XYLT1: variants seen among roughly 807,000 people sequenced by gnomAD.
XYLT1 encodes beta-D-xylosyltransferase 1.
In XYLT1, 36 loss-of-function variants were observed where a neutral mutation model predicts 91.3. That is an observed-to-expected ratio of 0.39 (90% CI 0.30 to 0.52). XYLT1 has a LOEUF of 0.52. Ranked by LOEUF, XYLT1 falls within the 20% of genes least tolerant of loss-of-function variation. The probability of loss-of-function intolerance (pLI) is 0.68; values close to 1 mark genes in which losing one functional copy is unlikely to be tolerated. For missense variants in XYLT1, 1,242 were observed against 1,284.5 expected, an observed-to-expected ratio of 0.97 and a Z score of 0.51; for synonymous variants, 588 against 532.0, an observed-to-expected ratio of 1.11 and a Z score of -1.45.
intron 9 of XYLT1, among the ~76,000 whole-genome samples, chr16:17,129,356 G>T (rs1053198982): frequency 6.6e-6 from 1 of 152,110 alleles, no homozygotes; most frequent in Admixed American, 6.6e-5. Flanking sequence ...CCGCCTCCTG[G>T]GTTCAAGCGA....
chr16:17,128,311 T>C (rs530829152), intron 9 of XYLT1, among the ~76,000 whole-genome samples: 2 of 152,370 alleles, frequency 1.3e-5, no homozygotes, highest in African/African-American at 4.8e-5. Flanking sequence ...GTCTTCATTG[T>C]ATAGTATTTC....
chr16:17,390,590 G>A (rs2035804463), intron 1 of XYLT1, among the ~76,000 whole-genome samples: 1 of 152,198 alleles, frequency 6.6e-6, no homozygotes, highest in Non-Finnish European at 1.5e-5. Context: ...CCCCCATCTT[G>A]CCTTTACCTC....
intron 6 of XYLT1, among the ~76,000 whole-genome samples, chr16:17,143,018 A>T (rs1055555390): frequency 6.6e-6 from 1 of 152,146 alleles, no homozygotes; most frequent in African/African-American, 2.4e-5. Context: ...AACTATATAC[A>T]TATAATCATC....
intron 2 of XYLT1, chr16:17,338,565 C>T (rs1416830886): frequency 2.2e-6 from 1 of 453,934 alleles, no homozygotes; most frequent in South Asian, 1.6e-5. Context: ...CATCTCTGTT[C>T]TCTGTCGGGA....
chr16:17,448,736 G>C (rs55810364), intron 1 of XYLT1, among the ~76,000 whole-genome samples: 1 of 150,720 alleles, frequency 6.6e-6, no homozygotes, highest in South Asian at 2.1e-4. Context: ...AAGGGGAGGA[G>C]GGTGGAGGAG....
chr16:17,141,772 A>G (rs1046001982), intron 6 of XYLT1, among the ~76,000 whole-genome samples: 2 of 152,228 alleles, frequency 1.3e-5, no homozygotes, highest in African/African-American at 4.8e-5. Context: ...GTCTCAGAAT[A>G]GTACTCTTCA....
At chr16:17,361,270 C>G (rs1375564186) in intron 1 of XYLT1, among the ~76,000 whole-genome samples, 1 of 152,202 alleles carries the variant, frequency 6.6e-6, no homozygotes, top group African/African-American at 2.4e-5. Context: ...GGATGCCAGA[C>G]ACGTGAAACA....
chr16:17,123,032 T>C (rs921203255), intron 10 of XYLT1, among the ~76,000 whole-genome samples: 2 of 152,226 alleles, frequency 1.3e-5, no homozygotes, highest in Non-Finnish European at 2.9e-5. Flanking sequence ...TTTGTTCTTT[T>C]TGCTTAGTCT....
intron 2 of XYLT1, among the ~76,000 whole-genome samples, chr16:17,321,956 G>A (rs539673928): frequency 2.0e-5 from 3 of 152,300 alleles, no homozygotes; most frequent in Non-Finnish European, 4.4e-5. Context: ...GGGAAGGAAA[G>A]AAGAAGTAGT....
intron 3 of XYLT1, among the ~76,000 whole-genome samples, chr16:17,222,017 G>A (rs1475179117): frequency 6.6e-6 from 1 of 152,108 alleles, no homozygotes; most frequent in African/African-American, 2.4e-5. Flanking sequence ...CCCTTCTCTT[G>A]CAGTGCACAG....
At chr16:17,405,184 C>T (rs995417609) in intron 1 of XYLT1, among the ~76,000 whole-genome samples, 4 of 152,218 alleles carry the variant, frequency 2.6e-5, no homozygotes, top group Non-Finnish European at 5.9e-5. Flanking sequence ...GAATGTGGCG[C>T]TTGTCAGCTC....
intron 1 of XYLT1, among the ~76,000 whole-genome samples, chr16:17,463,636 T>C (rs562687930): frequency 1.6e-4 from 24 of 152,352 alleles, no homozygotes; most frequent in African/African-American, 5.3e-4. Context: ...TGTAAATTAG[T>C]ACAGCCACTA....
intron 1 of XYLT1, among the ~76,000 whole-genome samples, chr16:17,444,376 T>G (rs1463368812): frequency 1.3e-5 from 2 of 152,182 alleles, no homozygotes; most frequent in African/African-American, 4.8e-5. Context: ...AGGTTCTCAC[T>G]CTGTCACCCA....
chr16:17,162,833 A>G (rs752810234), intron 5 of XYLT1, among the ~76,000 whole-genome samples: 8 of 152,252 alleles, frequency 5.3e-5, no homozygotes, highest in Non-Finnish European at 5.9e-5. Flanking sequence ...TAAGTCATGT[A>G]TGACTATGAG....
At chr16:17,321,125 T>A (rs1038204554) in intron 2 of XYLT1, among the ~76,000 whole-genome samples, 1 of 151,928 alleles carries the variant, frequency 6.6e-6, no homozygotes, top group Non-Finnish European at 1.5e-5. Flanking sequence ...TGGAGTTGTA[T>A]CCATACCCAC....
chr16:17,249,011 G>A (rs964362148), intron 3 of XYLT1, among the ~76,000 whole-genome samples: 6 of 151,962 alleles, frequency 3.9e-5, no homozygotes, highest in South Asian at 2.1e-4. Context: ...ATGAGCCACC[G>A]CACCTGGCCT....
At chr16:17,276,322 C>T (rs1447944849) in intron 2 of XYLT1, among the ~76,000 whole-genome samples, 1 of 152,122 alleles carries the variant, frequency 6.6e-6, no homozygotes, top group Non-Finnish European at 1.5e-5. Flanking sequence ...CTGCGGGTGC[C>T]CCACTGGCAC....
intron 11 of XYLT1, among the ~76,000 whole-genome samples, chr16:17,111,838 C>G (rs186883907): frequency 1.3e-5 from 2 of 152,172 alleles, no homozygotes; most frequent in African/African-American, 2.4e-5. Flanking sequence ...GCTGCTTTCT[C>G]CCACGGTAGT....
chr16:17,210,644 T>C (rs2032739972), intron 3 of XYLT1, among the ~76,000 whole-genome samples: 1 of 152,130 alleles, frequency 6.6e-6, no homozygotes, highest in Non-Finnish European at 1.5e-5. Flanking sequence ...ACTCCTGGGC[T>C]CAAGTGATCT....
Sources: allele counts gnomAD v4.1 joint callset (sites outside exome capture counted in the v4.1 genomes callset), GRCh38; gene constraint gnomAD v4.1.1; transcripts MANE v1.5; gene names NCBI Gene and HGNC (gene_info 2026-07-23, HGNC 2026-07-21).